The following KDELR2 variants were observed in gnomAD, a reference collection of about 807,000 sequenced individuals.
The protein encoded by KDELR2 is KDEL endoplasmic reticulum protein retention receptor 2.
Under a neutral mutation model 23.9 loss-of-function variants are expected in KDELR2, and 15 were observed. That is an observed-to-expected ratio of 0.63 (90% CI 0.42 to 0.97). The LOEUF is 0.97. Among genes scored for constraint, KDELR2 ranks in the 50% least tolerant of loss-of-function variants. The probability of loss-of-function intolerance (pLI) is 0.00; values close to 1 mark genes in which losing one functional copy is unlikely to be tolerated. For missense variants in KDELR2, 272 were observed against 254.6 expected, an observed-to-expected ratio of 1.07 and a Z score of -0.46; for synonymous variants, 119 against 106.2, an observed-to-expected ratio of 1.12 and a Z score of -0.74.
At chr7:6,470,648 T>C (rs1334549985) in intron 2 of KDELR2, among the ~76,000 whole-genome samples, 1 of 152,218 alleles carries the variant, frequency 6.6e-6, no homozygotes, top group African/African-American at 2.4e-5. Flanking sequence ...GCCTGCTATA[T>C]TTGTTATTGT....
At position 6,461,481 on chromosome 7, in the gene KDELR2, A is replaced by C. The variant is rs1452985207; in HGVS notation, c.*1660T>G. 6.6e-6 allele frequency: 1 copy of C among 151,982 alleles called. No individual in the cohort carries two copies. Among genetic ancestry groups the C allele is most frequent in the African/African-American group, 2.4e-5 (1 of 41,360 alleles). The allele number at this position is 151,982 out of a possible 1,614,324, so 9.4% of individuals were successfully genotyped here. A position where few individuals can be genotyped will look rare whatever the true frequency, so the allele number is the denominator to read the frequency against. On this transcript the variant is annotated 3_prime_UTR_variant, in exon 5 of 5. Transcript: ENST00000258739. ...CTTCCTAGCCTCCTTCCACACTCCG[A>C]ATCTTCAAGCAGGATGAAAAGAGAC...
At position 6,462,175 on chromosome 7, in the gene KDELR2, G is replaced by C. The variant is rs1228585167; in HGVS notation, c.*966C>G. 7.8e-6 allele frequency: 1 copy of C among 127,424 alleles called. No individual in the cohort carries two copies. Among genetic ancestry groups the C allele is most frequent in the Non-Finnish European group, 1.7e-5 (1 of 59,968 alleles). The allele number at this position is 127,424 out of a possible 1,614,324, so 7.9% of individuals were successfully genotyped here. ...AAAAGAATGTAAGGAATGGTTAGTGGTGCTGCCAATTAAAAAAAAAACTGT... is the reference window on the plus strand; with the variant it reads ...AAAAGAATGTAAGGAATGGTTAGTGCTGCTGCCAATTAAAAAAAAAACTGT... On this transcript the variant is annotated 3_prime_UTR_variant, in exon 5 of 5. Coordinates refer to ENST00000258739, the MANE Select transcript of KDELR2 (RefSeq NM_006854.4).
At chr7:6,466,917 C>A (rs1785515177) in intron 3 of KDELR2, among the ~76,000 whole-genome samples, 1 of 152,106 alleles carries the variant, frequency 6.6e-6, no homozygotes, top group Admixed American at 6.6e-5. Context: ...CTTGCTCACC[C>A]ACGGCTCATC....
chr7:6,477,279 G>A, intron 1 of KDELR2, among the ~76,000 whole-genome samples: 1 of 152,190 alleles, frequency 6.6e-6, no homozygotes, highest in Non-Finnish European at 1.5e-5. Context: ...TTCTTCCCCA[G>A]CCTGAGATCC....
At chr7:6,471,951 A>G (rs1291223442) in intron 2 of KDELR2, among the ~76,000 whole-genome samples, 1 of 150,074 alleles carries the variant, frequency 6.7e-6, no homozygotes, top group East Asian at 2.0e-4. Context: ...ACCAGGCTGG[A>G]GTGCAGTGGA....
At chr7:6,478,290 G>C (rs906873516) in intron 1 of KDELR2, among the ~76,000 whole-genome samples, 4 of 151,962 alleles carry the variant, frequency 2.6e-5, no homozygotes, top group Admixed American at 2.6e-4. Context: ...TAAGACACAG[G>C]TGCACGCCAC....
chr7:6,468,334 TA>T (rs1785545930), intron 3 of KDELR2, among the ~76,000 whole-genome samples: 1 of 152,056 alleles, frequency 6.6e-6, no homozygotes, highest in African/African-American at 2.4e-5. Flanking sequence ...ACCATGAAAT[TA>T]ACTTTTTTTC....
intron 2 of KDELR2, 58 bp downstream of exon 2, chr7:6,474,122 TTAAG>T (rs1464152550): frequency 5.3e-6 from 5 of 948,016 alleles, no homozygotes; most frequent in Non-Finnish European, 8.4e-6. Context: ...CTGACATAAA[TTAAG>T]TGTCCATAGA....
chr7:6,467,491 T>G (rs1382489378), intron 3 of KDELR2, among the ~76,000 whole-genome samples: 1 of 152,170 alleles, frequency 6.6e-6, no homozygotes, highest in Non-Finnish European at 1.5e-5. Context: ...CTGGGTGTGG[T>G]GGCTCATGCC....
chr7:6,480,602 A>G (rs1785869465), intron 1 of KDELR2, among the ~76,000 whole-genome samples: 1 of 152,180 alleles, frequency 6.6e-6, no homozygotes, highest in African/African-American at 2.4e-5. Flanking sequence ...CCTGATCCTT[A>G]TGGGGTAAAA....
At position 6,461,400 on chromosome 7, in the gene KDELR2, G is replaced by A. The variant is rs1785386144; in HGVS notation, c.*1741C>T. On this transcript the variant is annotated 3_prime_UTR_variant, in exon 5 of 5. Transcript: ENST00000258739. The stretch of plus-strand genomic sequence containing the variant: ...GATTTGCATGCACAAAGACAGGTGT[G>A]CGCCCCACCCACCCTGGGCTGGGCA... 1.3e-5 allele frequency: 2 copies of A among 151,946 alleles called. No homozygotes were observed. Among genetic ancestry groups the A allele is most frequent in the African/African-American group, 4.8e-5 (2 of 41,348 alleles). The allele number at this position is 151,946 out of a possible 1,614,324, so 9.4% of individuals were successfully genotyped here.
At chr7:6,474,316 C>T in intron 1 of KDELR2, 32 bp from the exon 2 acceptor site, 1 of 1,453,094 alleles carries the variant, frequency 6.9e-7, no homozygotes, top group Non-Finnish European at 9.7e-7. Context: ...ATTAGAAGGG[C>T]CTGAAGAGCT....
chr7:6,471,207 A>C (rs1448913419), intron 2 of KDELR2, among the ~76,000 whole-genome samples: 12 of 89,530 alleles, frequency 1.3e-4, no homozygotes, highest in Admixed American at 6.9e-4. Flanking sequence ...TTTGAGATGG[A>C]GTCTCGCTCT....
Position 6,462,845 on chromosome 7 carries a change from A to G in KDELR2, c.*296T>C. The G allele has an allele frequency of 1.2e-6, 1 of 859,552 alleles. No homozygotes were observed. The highest frequency in any genetic ancestry group is 1.7e-6 in the Non-Finnish European group (1 of 590,804). 53.2% of individuals were successfully genotyped at this position (859,552 alleles called of 1,614,324 possible). A position where few individuals can be genotyped will look rare whatever the true frequency, so the allele number is the denominator to read the frequency against. The stretch of plus-strand genomic sequence containing the variant: ...AAAATTTGCACTTATTCCTCACAAA[A>G]TCTTCACTTTTGGAACTATCCCAAT... On this transcript the variant is annotated 3_prime_UTR_variant, in exon 5 of 5. Coordinates refer to ENST00000258739, the MANE Select transcript of KDELR2 (RefSeq NM_006854.4).
chr7:6,471,832 G>T (rs976636289), intron 2 of KDELR2, among the ~76,000 whole-genome samples: 1 of 152,064 alleles, frequency 6.6e-6, no homozygotes, highest in African/African-American at 2.4e-5. Flanking sequence ...TTGTGTGAAT[G>T]TAAGTTTTCA....
At chr7:6,475,805 A>G (rs1785737942) in intron 1 of KDELR2, among the ~76,000 whole-genome samples, 1 of 152,256 alleles carries the variant, frequency 6.6e-6, no homozygotes, top group African/African-American at 2.4e-5. Flanking sequence ...CCTCATCTAT[A>G]ATGCATACTT....
chr7:6,470,001 T>G, intron 2 of KDELR2: 1 of 350,668 alleles, frequency 2.9e-6, no homozygotes, highest in East Asian at 5.0e-5. Flanking sequence ...TGCTGCCGCT[T>G]CGCAGTCAAA....
intron 1 of KDELR2, among the ~76,000 whole-genome samples, chr7:6,479,954 A>G (rs1033850127): frequency 1.1e-4 from 16 of 152,154 alleles, no homozygotes; most frequent in African/African-American, 3.6e-4. Flanking sequence ...TTCTTGGAGT[A>G]CTCCACATCT....
chr7:6,481,077 T>TA (rs1052655700), intron 1 of KDELR2, among the ~76,000 whole-genome samples: 67 of 151,964 alleles, frequency 4.4e-4, no homozygotes, highest in African/African-American at 1.5e-3. Context: ...CAGTGAATAG[T>TA]AAAAAACAAA....
Sources: allele counts gnomAD v4.1 joint callset (sites outside exome capture counted in the v4.1 genomes callset), GRCh38; gene constraint gnomAD v4.1.1; transcripts MANE v1.5; gene names NCBI Gene and HGNC (gene_info 2026-07-23, HGNC 2026-07-21).